EYS: variants seen among roughly 807,000 people sequenced by gnomAD.
The protein encoded by EYS is EGF-like photoreceptor maintenance factor.
In EYS, 250 loss-of-function variants were observed where a neutral mutation model predicts 282.1. The ratio of observed to expected loss-of-function variants is 0.89; its 90% CI spans 0.80 to 0.98. The LOEUF is 0.98. Among genes scored for constraint, EYS ranks in the 50% least tolerant of loss-of-function variants. EYS has a pLI of 0.00. For synonymous variants in EYS, 1,355 were observed against 1,282.9 expected (o/e 1.06, Z -1.20); for missense variants, 4,016 against 3,709.0 (o/e 1.08, Z -2.15).
chr6:64,913,593 C>CTT (rs1210477169), intron 15 of EYS, among the ~76,000 whole-genome samples: 2 of 152,114 alleles, frequency 1.3e-5, no homozygotes, highest in African/African-American at 4.8e-5. Context: ...TGATTTAATT[C>CTT]TTTTCATGGT....
chr6:65,169,249 C>T (rs1765047411), intron 12 of EYS, among the ~76,000 whole-genome samples: 1 of 151,228 alleles, frequency 6.6e-6, no homozygotes, highest in African/African-American at 2.4e-5. Context: ...TTGGAAAAGG[C>T]CAAGAGCTGA....
intron 28 of EYS, among the ~76,000 whole-genome samples, chr6:64,393,736 C>T (rs1297093735): frequency 2.0e-5 from 3 of 151,648 alleles, no homozygotes; most frequent in South Asian, 2.1e-4. Context: ...CAGGGATGCC[C>T]TCTCTCACCA....
intron 1 of EYS, among the ~76,000 whole-genome samples, chr6:65,692,677 A>T (rs571070569): frequency 1.3e-5 from 2 of 149,978 alleles, no homozygotes; most frequent in Non-Finnish European, 3.0e-5. Flanking sequence ...AAAACATATA[A>T]TTTTTTTGGT....
intron 30 of EYS, among the ~76,000 whole-genome samples, chr6:64,263,353 T>C (rs1049122881): frequency 6.6e-6 from 1 of 152,250 alleles, no homozygotes; most frequent in East Asian, 1.9e-4. Context: ...TTTATTGAAA[T>C]CTTTTCTTAT....
At chr6:64,835,459 T>C (rs920928245) in intron 19 of EYS, among the ~76,000 whole-genome samples, 4 of 143,918 alleles carry the variant, frequency 2.8e-5, no homozygotes, top group Admixed American at 2.2e-4. Context: ...AGTCACTAAT[T>C]AGCATAATGT....
chr6:65,402,570 A>C lies in EYS; in HGVS notation c.1092T>G (p.Asp364Glu). The C allele has an allele frequency of 2.5e-6, 4 of 1,579,870 alleles. No individual in the cohort carries two copies. Among genetic ancestry groups the C allele is most frequent in the Non-Finnish European group, 3.5e-6 (4 of 1,149,792 alleles). The change falls in exon 7 of 43, where the codon GAT becomes GAG. Residue 364 changes from aspartate (D) to glutamate (E), a missense_variant. Asp to Glu is a conservative substitution (Grantham distance 45, BLOSUM62 2). Coordinates refer to ENST00000503581, the MANE Select transcript of EYS (RefSeq NM_001142800.2). Reference protein sequence around the residue: ...VMCICSPIFTDLLCKSIQTSC... With the variant: ...VMCICSPIFTELLCKSIQTSC... Reference sequence around the variant, plus strand: ...ATGTTTGAATGCTCTTACAAAGCAAATCTGTAAATATTGGTGAACAGATGC... The same window carrying C: ...ATGTTTGAATGCTCTTACAAAGCAACTCTGTAAATATTGGTGAACAGATGC...
intron 32 of EYS, among the ~76,000 whole-genome samples, chr6:64,074,044 T>C (rs375967388): frequency 6.4e-4 from 98 of 151,940 alleles, no homozygotes; most frequent in East Asian, 6.4e-3. Context: ...TTTAGGCTTT[T>C]AGGCTTTGTA....
At chr6:63,941,402 T>G (rs1483846275) in intron 35 of EYS, among the ~76,000 whole-genome samples, 2 of 152,306 alleles carry the variant, frequency 1.3e-5, no homozygotes, top group East Asian at 3.9e-4. Context: ...GGTATCTCAT[T>G]ATGGTTTTGA....
At chr6:64,159,730 C>G (rs1001689515) in intron 31 of EYS, among the ~76,000 whole-genome samples, 5 of 151,386 alleles carry the variant, frequency 3.3e-5, no homozygotes, top group Admixed American at 6.6e-5. Flanking sequence ...TATTTTTTTT[C>G]CGTTTAAGAA....
At chr6:64,083,989 C>G (rs1772065266) in intron 31 of EYS, among the ~76,000 whole-genome samples, 1 of 152,194 alleles carries the variant, frequency 6.6e-6, no homozygotes, top group Admixed American at 6.5e-5. Context: ...CCACCTGCCT[C>G]AGTCTCCCAA....
Position 65,405,319 on chromosome 6 carries a change from C to CA in EYS, c.910dup (p.Trp304LeufsTer9), listed in dbSNP as rs34676630. 3 of 1,609,764 alleles carry CA rather than the reference C, an allele frequency of 1.9e-6. No individual in the cohort carries two copies. The South Asian group carries it at 3.3e-5, about 18-fold the overall frequency. ...GCTATTTGGGCAAATTCCTCTTTTC[C>CA]AAAAAAGCAGAGAAACACAAGGTTT... is the stretch of plus-strand genomic sequence containing the variant. On this transcript the variant is annotated frameshift_variant, in exon 6 of 43. Coordinates refer to ENST00000503581, the MANE Select transcript of EYS (RefSeq NM_001142800.2). LOFTEE classifies it high-confidence loss of function.
At chr6:65,384,565 C>T (rs111574438) in intron 7 of EYS, 65 bp from the exon 8 acceptor site, 32 of 813,732 alleles carry the variant, frequency 3.9e-5, no homozygotes, top group African/African-American at 3.1e-4. Context: ...AGCCTATTAA[C>T]ATTATTCCAA....
chr6:65,680,638 T>G (rs1768781388), intron 1 of EYS, among the ~76,000 whole-genome samples: 1 of 152,014 alleles, frequency 6.6e-6, no homozygotes, highest in Admixed American at 6.6e-5. Flanking sequence ...GACTGCAATT[T>G]GTTTAGGTTA....
chr6:63,872,576 T>G (rs923621369), intron 35 of EYS, among the ~76,000 whole-genome samples: 6 of 150,218 alleles, frequency 4.0e-5, no homozygotes, highest in African/African-American at 1.5e-4. Context: ...CCTTCTGGGT[T>G]CAAGCAATTC....
At chr6:64,478,038 T>C (rs1295536991) in intron 26 of EYS, among the ~76,000 whole-genome samples, 1 of 152,012 alleles carries the variant, frequency 6.6e-6, no homozygotes, top group Non-Finnish European at 1.5e-5. Context: ...GAACTTGCTG[T>C]TATGTGCTTG....
intron 35 of EYS, among the ~76,000 whole-genome samples, chr6:63,950,474 C>T (rs1035921504): frequency 2.0e-5 from 3 of 152,008 alleles, no homozygotes; most frequent in African/African-American, 4.8e-5. Context: ...ACAGCCCCAC[C>T]CCTATCTCCC....
At chr6:64,192,827 GC>G (rs1214425666) in intron 31 of EYS, among the ~76,000 whole-genome samples, 1 of 152,098 alleles carries the variant, frequency 6.6e-6, no homozygotes, top group East Asian at 1.9e-4. Context: ...GTACAAGTTT[GC>G]TTTTTCCCAT....
chr6:64,086,395 A>T (rs1772158327), intron 31 of EYS, among the ~76,000 whole-genome samples: 1 of 152,166 alleles, frequency 6.6e-6, no homozygotes, highest in African/African-American at 2.4e-5. Flanking sequence ...TTATTCAATC[A>T]TAATTACCTG....
At chr6:64,743,862 C>T (rs1161620844) in intron 22 of EYS, among the ~76,000 whole-genome samples, 1 of 151,984 alleles carries the variant, frequency 6.6e-6, no homozygotes, top group African/African-American at 2.4e-5. Flanking sequence ...GGAAATGATA[C>T]CAAAGTACTG....
Sources: gnomAD v4.1 joint callset for allele counts (sites outside exome capture counted in the v4.1 genomes callset) on GRCh38, gnomAD v4.1.1 for gene constraint, MANE v1.5 for transcripts, NCBI Gene and HGNC (gene_info 2026-07-23, HGNC 2026-07-21) for gene names.